The following AKAP9 variants were observed in gnomAD, a reference collection of about 807,000 sequenced individuals.
The protein encoded by AKAP9 is A-kinase anchor protein 9.
A neutral mutation model predicts 488.5 loss-of-function variants in AKAP9; 311 were observed. The ratio of observed to expected loss-of-function variants is 0.64; its 90% CI spans 0.58 to 0.70. The LOEUF (loss-of-function observed/expected upper bound fraction) is 0.70. Ranked by LOEUF, AKAP9 falls within the 30% of genes least tolerant of loss-of-function variation. AKAP9 has a pLI of 0.00. For missense variants in AKAP9, 4,215 were observed against 4,374.5 expected, an observed-to-expected ratio of 0.96 and a Z score of 1.03; for synonymous variants, 1,462 against 1,483.5, an observed-to-expected ratio of 0.99 and a Z score of 0.33.
At position 91,940,975 on chromosome 7, in the gene AKAP9, C is replaced by G. The variant is rs1584494761; in HGVS notation, c.-125C>G. ...ACTGCTTCCACTTCGGGCGGGGGAG[C>G]GCCGGACCGAATCGGCTCTCTAGGC... On this transcript the variant is annotated 5_prime_UTR_variant, in exon 1 of 50. Coordinates refer to ENST00000356239, the MANE Select transcript of AKAP9 (RefSeq NM_005751.5). 9.9e-7 allele frequency: 1 copy of G among 1,005,452 alleles called. No individual in the cohort carries two copies. 62.3% of individuals were successfully genotyped at this position (1,005,452 alleles called of 1,614,324 possible).
chr7:91,953,296 A>T (rs1250644119), intron 1 of AKAP9, among the ~76,000 whole-genome samples: 1 of 152,148 alleles, frequency 6.6e-6, no homozygotes, highest in Admixed American at 6.6e-5. Flanking sequence ...AAGATTGTGA[A>T]ATCAGTTTTG....
At chr7:91,986,309 C>T (rs1339188454) in intron 3 of AKAP9, among the ~76,000 whole-genome samples, 1 of 152,178 alleles carries the variant, frequency 6.6e-6, no homozygotes, top group East Asian at 1.9e-4. Context: ...GTCACAGCTT[C>T]TCTTGGCTAG....
intron 45 of AKAP9, 60 bp from the exon 46 acceptor site, chr7:92,102,534 C>T: frequency 1.4e-6 from 2 of 1,464,388 alleles, no homozygotes; most frequent in African/African-American, 1.4e-5. Flanking sequence ...TTATTTTCCC[C>T]TAGAGAGCAG....
Position 92,079,127 on chromosome 7 carries a change from G to C in AKAP9, c.6994G>C (p.Glu2332Gln). The change falls in exon 31 of 50, where the codon GAA becomes CAA. Residue 2332 changes from glutamate to glutamine, a missense_variant. Glu to Gln is a conservative substitution (Grantham distance 29). Transcript: ENST00000356239. ...GATAAGGGATCTTGAAACCCAAATA[G>C]AATGTTTGATGAGTGATCAAGAATG... ...ELIRDLETQI[E>Q]CLMSDQECVK... The C allele has an allele frequency of 6.2e-7, 1 of 1,613,142 alleles. No individual in the cohort carries two copies. Among genetic ancestry groups the C allele is most frequent in the Non-Finnish European group, 8.5e-7 (1 of 1,179,664 alleles).
chr7:91,981,150 G>A (rs1796362449), intron 3 of AKAP9, among the ~76,000 whole-genome samples: 1 of 152,096 alleles, frequency 6.6e-6, no homozygotes, highest in Admixed American at 6.5e-5. Context: ...TAAACACATT[G>A]GTGCCTGATT....
Position 92,033,772 on chromosome 7 carries a change from G to T in AKAP9, c.4338+2168G>T, listed in dbSNP as rs148590684. Among the ~76,000 whole-genome samples, 36 of 152,298 alleles carry T rather than the reference G, an allele frequency of 2.4e-4. 1 individual carries two copies. Among genetic ancestry groups the T allele is most frequent in the African/African-American group, 8.2e-4 (34 of 41,570 alleles). On this transcript the variant is annotated intron_variant, in intron 16 of 49. Coordinates refer to ENST00000356239, the MANE Select transcript of AKAP9 (RefSeq NM_005751.5). Reference sequence around the variant, plus strand: ...TTTTCTAAAAGCACAAGGCTATATAGAAGAAGCCCAATAGTAGTGATTTCC... The same window carrying T: ...TTTTCTAAAAGCACAAGGCTATATATAAGAAGCCCAATAGTAGTGATTTCC...
chr7:92,058,135 C>T (rs1395358523), intron 22 of AKAP9: 4 of 554,370 alleles, frequency 7.2e-6, no homozygotes, highest in African/African-American at 5.7e-5. Context: ...ATTGATAAAG[C>T]AAATTAGGAA....
chr7:92,108,935 C>A, intron 49 of AKAP9: 1 of 466,472 alleles, frequency 2.1e-6, no homozygotes, highest in Non-Finnish European at 4.0e-6. Flanking sequence ...GCAAGGTACT[C>A]TGAGTCTACA....
chr7:92,062,594 A>T (rs1810070090), intron 24 of AKAP9, 108 bp downstream of exon 24: 5 of 868,626 alleles, frequency 5.8e-6, no homozygotes, highest in Non-Finnish European at 9.0e-6. Flanking sequence ...CATATATTTT[A>T]TAGAGAGATT....
chr7:92,004,505 T>C (rs1328012742), intron 8 of AKAP9, among the ~76,000 whole-genome samples: 2 of 152,226 alleles, frequency 1.3e-5, no homozygotes, highest in African/African-American at 4.8e-5. Flanking sequence ...AGCAGTCGTT[T>C]GTAGTTCTCC....
In AKAP9 at chr7:92,016,174, T is replaced by A; in HGVS notation, c.3658T>A (p.Cys1220Ser). ...LGEYYTPALK[C>S]EVNAEDKENS... ...TGAATATTATACTCCTGCTTTAAAA[T>A]GTGAAGTAAATGCAGAAGACAAAGA... Residue 1220 changes from cysteine to serine, a missense_variant, in exon 11 of 50, where the codon TGT (cysteine) becomes AGT (serine). By Grantham distance (112) the Cys-to-Ser change is moderately radical. Transcript: ENST00000356239. 6.2e-7 allele frequency: 1 copy of A among 1,601,726 alleles called. No homozygotes were observed. Among genetic ancestry groups the A allele is most frequent in the Non-Finnish European group, 8.6e-7 (1 of 1,169,462 alleles).
chr7:91,977,324 AGGCG>A (rs1303619144), intron 2 of AKAP9, among the ~76,000 whole-genome samples: 1 of 152,198 alleles, frequency 6.6e-6, no homozygotes, highest in Non-Finnish European at 1.5e-5. Flanking sequence ...TGGGAGGCCA[AGGCG>A]GGCAGATCAC....
chr7:92,079,909 A>G lies in AKAP9; in HGVS notation c.7776A>G (p.Leu2592=). 6.2e-7 allele frequency: 1 copy of G among 1,613,718 alleles called. No homozygotes were observed. Among genetic ancestry groups the G allele is most frequent in the Non-Finnish European group, 8.5e-7 (1 of 1,179,710 alleles). Residue 2592 remains leucine (L), a synonymous_variant, in exon 31 of 50, where the codon CTA becomes CTG. Transcript: ENST00000356239. ...ERTNIQNLNQ[L]REDELGSDIS... ...CAAATATTCAGAATTTAAATCAACT[A>G]AGAGAAGATGAGTTGGGGTCAGATA...
chr7:92,043,414 A>C, intron 20 of AKAP9: 1 of 788,962 alleles, frequency 1.3e-6, no homozygotes, highest in Non-Finnish European at 1.5e-6. Context: ...ATATAAAATA[A>C]ACACTTTGTT....
At chr7:91,986,890 A>G (rs1797158655) in intron 3 of AKAP9, among the ~76,000 whole-genome samples, 1 of 151,616 alleles carries the variant, frequency 6.6e-6, no homozygotes. Flanking sequence ...TTTCATATAT[A>G]TACATATATA....
chr7:92,045,997 C>T (rs1806931151), intron 21 of AKAP9, among the ~76,000 whole-genome samples: 1 of 151,984 alleles, frequency 6.6e-6, no homozygotes, highest in Non-Finnish European at 1.5e-5. Context: ...CCATGCCCAG[C>T]TAATTTTTGT....
At chr7:91,968,645 GGTTT>G (rs1365841517) in intron 1 of AKAP9, among the ~76,000 whole-genome samples, 3 of 151,932 alleles carry the variant, frequency 2.0e-5, no homozygotes, top group Non-Finnish European at 4.4e-5. Flanking sequence ...TTTTGGGTTT[GGTTT>G]GTTCTTGGTT....
At chr7:91,967,569 TG>T (rs754002463) in intron 1 of AKAP9, among the ~76,000 whole-genome samples, 4 of 152,272 alleles carry the variant, frequency 2.6e-5, no homozygotes, top group Non-Finnish European at 4.4e-5. Flanking sequence ...CATAGGGTTT[TG>T]TTCTTGATTC....
chr7:92,051,695 A>G (rs1364468456), intron 21 of AKAP9, among the ~76,000 whole-genome samples: 2 of 152,218 alleles, frequency 1.3e-5, no homozygotes, highest in South Asian at 2.1e-4. Flanking sequence ...AAGTTCTAAT[A>G]AGTAGCTCTT....
Sources: gnomAD v4.1 joint callset for allele counts (sites outside exome capture counted in the v4.1 genomes callset) on GRCh38, gnomAD v4.1.1 for gene constraint, MANE v1.5 for transcripts, NCBI Gene and HGNC (gene_info 2026-07-23, HGNC 2026-07-21) for gene names.